Variants in SUPT3H observed in about 807,000 individuals in gnomAD.
SUPT3H encodes the protein SPT3 homolog, SAGA and STAGA complex component.
SUPT3H carries 44 observed loss-of-function variants against 44.3 expected under a neutral mutation model. The observed-to-expected ratio is 0.99, with a 90% CI of 0.78 to 1.28. The LOEUF is 1.28. Among genes scored for constraint, SUPT3H ranks in the 50% most tolerant of loss-of-function variants. The probability of loss-of-function intolerance (pLI) is 0.00; values close to 1 mark genes in which losing one functional copy is unlikely to be tolerated. For missense variants in SUPT3H, 380 were observed against 387.1 expected (o/e 0.98, Z 0.15); for synonymous variants, 124 against 125.6 (o/e 0.99, Z 0.09).
intron 2 of SUPT3H, among the ~76,000 whole-genome samples, chr6:45,276,569 C>A (rs1777062936): frequency 6.6e-6 from 1 of 152,114 alleles, no homozygotes; most frequent in East Asian, 1.9e-4. Flanking sequence ...GTATATTTCC[C>A]ACTCATTGAA....
chr6:45,039,556 G>T lies in SUPT3H; in HGVS notation c.187-18924C>A, dbSNP rs1788191651. The stretch of plus-strand genomic sequence containing the variant: ...GCAATTTGAGAGGCTAAGGCTGGTG[G>T]ATCACTCGAGGTCAAGAGTTCGAGA... On this transcript the variant is annotated intron_variant, in intron 3 of 10. Coordinates refer to ENST00000371459, the MANE Select transcript of SUPT3H (RefSeq NM_003599.4). Among the ~76,000 whole-genome samples the T allele has an allele frequency of 2.0e-5, 3 of 152,094 alleles. No individual in the cohort carries two copies. In the South Asian group the frequency reaches 6.2e-4, roughly 31 times the overall value.
chr6:44,930,228 A>C (rs1421042955), intron 10 of SUPT3H, among the ~76,000 whole-genome samples: 2 of 152,044 alleles, frequency 1.3e-5, no homozygotes, highest in Non-Finnish European at 2.9e-5. Context: ...AAACACACAC[A>C]AAATTAGCCA....
chr6:45,175,854 G>A (rs1260271267), intron 2 of SUPT3H, among the ~76,000 whole-genome samples: 1 of 152,172 alleles, frequency 6.6e-6, no homozygotes. Context: ...TCTCATTATA[G>A]ATACCAGTTA....
chr6:44,863,426 G>A (rs992149887), intron 10 of SUPT3H, among the ~76,000 whole-genome samples: 3 of 152,176 alleles, frequency 2.0e-5, no homozygotes, highest in Non-Finnish European at 4.4e-5. Context: ...TTCATGTAAG[G>A]GGTCAGGAGG....
At chr6:44,846,707 C>G (rs1771935034) in intron 10 of SUPT3H, among the ~76,000 whole-genome samples, 1 of 152,032 alleles carries the variant, frequency 6.6e-6, no homozygotes, top group Admixed American at 6.5e-5. Flanking sequence ...TACTGGCTCA[C>G]TGCAACCTCC....
At chr6:45,255,169 A>T (rs1216065472) in intron 2 of SUPT3H, among the ~76,000 whole-genome samples, 1 of 152,150 alleles carries the variant, frequency 6.6e-6, no homozygotes, top group Non-Finnish European at 1.5e-5. Flanking sequence ...TATGGGAAAA[A>T]ACACTATATA....
intron 2 of SUPT3H, among the ~76,000 whole-genome samples, chr6:45,171,257 G>T (rs886282498): frequency 6.6e-6 from 1 of 152,072 alleles, no homozygotes; most frequent in African/African-American, 2.4e-5. Flanking sequence ...TTTATCAGAA[G>T]ATACATAAAA....
At chr6:44,901,507 G>C (rs1765045365) in intron 10 of SUPT3H, among the ~76,000 whole-genome samples, 1 of 152,086 alleles carries the variant, frequency 6.6e-6, no homozygotes, top group African/African-American at 2.4e-5. Flanking sequence ...AAGCCTCCAA[G>C]AAATATGGGA....
At chr6:45,249,016 A>T (rs1448296921) in intron 2 of SUPT3H, among the ~76,000 whole-genome samples, 1 of 152,142 alleles carries the variant, frequency 6.6e-6, no homozygotes, top group African/African-American at 2.4e-5. Flanking sequence ...TTAAGTATAT[A>T]CGTACCATGC....
chr6:45,331,211 T>C (rs1035260123), intron 2 of SUPT3H, among the ~76,000 whole-genome samples: 94 of 151,944 alleles, frequency 6.2e-4, no homozygotes, highest in African/African-American at 2.2e-3. Flanking sequence ...AATCAAAAAT[T>C]TTCAATCTGT....
At chr6:45,351,942 T>C (rs1468211752) in intron 2 of SUPT3H, among the ~76,000 whole-genome samples, 3 of 152,192 alleles carry the variant, frequency 2.0e-5, no homozygotes, top group Non-Finnish European at 4.4e-5. Context: ...ACAATTAGTA[T>C]ACTCCTAATT....
chr6:45,004,990 A>G (rs1782501372), intron 5 of SUPT3H, among the ~76,000 whole-genome samples: 1 of 152,184 alleles, frequency 6.6e-6, no homozygotes, highest in African/African-American at 2.4e-5. Context: ...AAATGCAGTA[A>G]TGAACATCCC....
At chr6:45,344,436 G>GT (rs146401592) in intron 2 of SUPT3H, among the ~76,000 whole-genome samples, 3,680 of 147,554 alleles carry the variant, frequency 0.025, 153 homozygotes, top group African/African-American at 0.083. Flanking sequence ...TTCTCTGATG[G>GT]TTTTTTTTTT....
At chr6:44,929,337 C>T (rs973281704) in intron 10 of SUPT3H, among the ~76,000 whole-genome samples, 8 of 151,950 alleles carry the variant, frequency 5.3e-5, no homozygotes, top group African/African-American at 1.9e-4. Context: ...ATTATGTTTC[C>T]ATGTAAACTA....
chr6:45,201,438 T>A (rs1762441364), intron 2 of SUPT3H, among the ~76,000 whole-genome samples: 2 of 151,792 alleles, frequency 1.3e-5, no homozygotes, highest in Admixed American at 6.6e-5. Context: ...CGATTATCTA[T>A]AATGAGAGTT....
chr6:45,275,924 T>G (rs1776940852), intron 2 of SUPT3H, among the ~76,000 whole-genome samples: 1 of 152,082 alleles, frequency 6.6e-6, no homozygotes. Flanking sequence ...CCTATTATTG[T>G]CTACTAACTA....
At chr6:44,961,511 C>T (rs1284550486) in intron 7 of SUPT3H, among the ~76,000 whole-genome samples, 1 of 152,004 alleles carries the variant, frequency 6.6e-6, no homozygotes, top group Non-Finnish European at 1.5e-5. Context: ...AAATAATTAC[C>T]ATAGCACTCT....
chr6:45,027,214 C>A (rs766241737), intron 3 of SUPT3H, among the ~76,000 whole-genome samples: 4 of 152,010 alleles, frequency 2.6e-5, no homozygotes, highest in Admixed American at 2.0e-4. Flanking sequence ...TGGCTGGGAA[C>A]TTCTGGGCTC....
chr6:44,820,059 C>T lies in SUPT3H; in HGVS notation c.*52+9705G>A, dbSNP rs139975497. Among the ~76,000 whole-genome samples the T allele has an allele frequency of 2.2e-3, 325 of 150,256 alleles. 1 individual carries two copies. The highest frequency in any genetic ancestry group is 7.6e-3 in the African/African-American group (311 of 40,918). On this transcript the variant is annotated intron_variant and NMD_transcript_variant, in intron 11 of 11. Coordinates refer to the SUPT3H transcript ENST00000475057. Reference sequence around the variant, plus strand: ...GCAACGTGGTGAAACCCTGTCTCTACCAAAAAAATATTAGCCGGGCATGGT... The same window carrying T: ...GCAACGTGGTGAAACCCTGTCTCTATCAAAAAAATATTAGCCGGGCATGGT...
Sources: gnomAD v4.1 joint callset for allele counts (sites outside exome capture counted in the v4.1 genomes callset) on GRCh38, gnomAD v4.1.1 for gene constraint, MANE v1.5 for transcripts, NCBI Gene and HGNC (gene_info 2026-07-23, HGNC 2026-07-21) for gene names.